SLFN11: variants seen among roughly 807,000 people sequenced by gnomAD.
The protein encoded by SLFN11 is schlafen family member 11.
Under a neutral mutation model 53.4 loss-of-function variants are expected in SLFN11, and 43 were observed. That is an observed-to-expected ratio of 0.80 (90% CI 0.63 to 1.04). SLFN11 has a LOEUF of 1.04. SLFN11 is among the 50% of genes least tolerant of loss of function. SLFN11 has a pLI of 0.00. For missense variants in SLFN11, 990 were observed against 1,079.1 expected, an observed-to-expected ratio of 0.92 and a Z score of 1.16; for synonymous variants, 389 against 394.7, an observed-to-expected ratio of 0.99 and a Z score of 0.17.
At position 35,353,799 on chromosome 17, in the gene SLFN11, A is replaced by G; in HGVS notation, c.1459T>C (p.Cys487Arg). Residue 487 changes from cysteine (C) to arginine (R), a missense_variant, in exon 6 of 7, where the codon TGC (cysteine) becomes CGC (arginine). Cys to Arg is a radical substitution (Grantham distance 180). This residue lies in a region of SLFN11 where 156 missense variants were observed against 241.9 expected (regional missense o/e 0.64). Coordinates refer to ENST00000685675, the MANE Select transcript of SLFN11 (RefSeq NM_001376007.1). The part of the protein sequence containing the change: ...REQDAEGQDY[C>R]TRTAFTLKQK... Reference sequence around the variant, plus strand: ...TTCAAAGTAAAGGCGGTGCGAGTGCAGTAGTCCTGGCCCTCTGCATCTTGC... The same window carrying G: ...TTCAAAGTAAAGGCGGTGCGAGTGCGGTAGTCCTGGCCCTCTGCATCTTGC... 1.3e-6 allele frequency: 2 copies of G among 1,581,550 alleles called. No individual in the cohort carries two copies. The highest frequency in any genetic ancestry group is 1.7e-6 in the Non-Finnish European group (2 of 1,160,862).
chr17:35,368,985 C>T (rs1216686325), intron 1 of SLFN11, among the ~76,000 whole-genome samples: 1 of 151,844 alleles, frequency 6.6e-6, no homozygotes, highest in Non-Finnish European at 1.5e-5. Context: ...CCTGAATAAT[C>T]AGCAACGATA....
intron 3 of SLFN11, among the ~76,000 whole-genome samples, chr17:35,365,461 A>AT (rs1908845018): frequency 3.3e-5 from 5 of 150,806 alleles, no homozygotes; most frequent in African/African-American, 7.3e-5. Flanking sequence ...ATTCTTTAAA[A>AT]ATTTTTTTTT....
intron 3 of SLFN11, among the ~76,000 whole-genome samples, chr17:35,366,461 T>TA (rs1200940757): frequency 6.6e-6 from 1 of 152,146 alleles, no homozygotes; most frequent in East Asian, 1.9e-4. Context: ...TTATTTTTTT[T>TA]AAATAAAAAT....
intron 4 of SLFN11, among the ~76,000 whole-genome samples, chr17:35,360,798 A>G (rs577134243): frequency 9.2e-5 from 14 of 152,140 alleles, no homozygotes; most frequent in African/African-American, 3.1e-4. Context: ...AATTACCATT[A>G]CTCACACTTA....
chr17:35,363,365 G>A lies in SLFN11; in HGVS notation c.443C>T (p.Ala148Val), dbSNP rs754490295. Residue 148 changes from alanine (A) to valine (V), a missense_variant, in exon 4 of 7, where the codon GCA (alanine) becomes GTA (valine). Around this residue, in one of 3 missense-constraint regions of SLFN11, gnomAD observed 521 missense variants for 516.2 expected, o/e 1.01. Coordinates refer to ENST00000685675, the MANE Select transcript of SLFN11 (RefSeq NM_001376007.1). ...CCTTTTGGTCTTCAGGAAACAGAAT[G>A]CCTCTCTTGAGTCCATGGAACGCAC... ...TSVRSMDSRE[A>V]FCFLKTKRKP... 25 of 1,613,884 alleles carry A rather than the reference G, an allele frequency of 1.5e-5. No individual in the cohort carries two copies. The South Asian group carries it at 2.0e-4, about 13-fold the overall frequency.
At chr17:35,356,433 C>T (rs1907479509) in intron 5 of SLFN11, among the ~76,000 whole-genome samples, 1 of 152,030 alleles carries the variant, frequency 6.6e-6, no homozygotes, top group Non-Finnish European at 1.5e-5. Context: ...TAATTTCCTG[C>T]CTTCCCAATC....
At chr17:35,365,684 T>C (rs1908875402) in intron 3 of SLFN11, among the ~76,000 whole-genome samples, 1 of 151,972 alleles carries the variant, frequency 6.6e-6, no homozygotes, top group Non-Finnish European at 1.5e-5. Flanking sequence ...AACAAACAAC[T>C]TACAATGGAA....
At chr17:35,371,230 C>T (rs766248592) in intron 1 of SLFN11, among the ~76,000 whole-genome samples, 2 of 152,090 alleles carry the variant, frequency 1.3e-5, no homozygotes, top group Non-Finnish European at 2.9e-5. Context: ...AAAAGACATT[C>T]TCTTCAATAA....
At chr17:35,362,637 G>T in intron 4 of SLFN11, 102 bp downstream of exon 4, 1 of 861,662 alleles carries the variant, frequency 1.2e-6, no homozygotes, top group Non-Finnish European at 1.7e-6. Flanking sequence ...AGTGTTCAGT[G>T]GATGTAAGAT....
chr17:35,356,007 T>G (rs1907422282), intron 5 of SLFN11, among the ~76,000 whole-genome samples: 1 of 152,054 alleles, frequency 6.6e-6, no homozygotes, highest in Admixed American at 6.5e-5. Context: ...CCATAAGAAA[T>G]CAATCAGGTG....
intron 1 of SLFN11, among the ~76,000 whole-genome samples, chr17:35,373,046 C>A (rs1253304007): frequency 6.6e-6 from 1 of 152,080 alleles, no homozygotes; most frequent in Non-Finnish European, 1.5e-5. Flanking sequence ...ACATAGACAG[C>A]TGTAGAACTA....
In SLFN11 at chr17:35,350,778, G is replaced by A. The variant is rs887197638; in HGVS notation, c.*1578C>T. ...TCCATGAATAAACACAGAAAGACAG[G>A]AGAAAGGCAAGGAAGTTCAAAAATC... On this transcript the variant is annotated 3_prime_UTR_variant, in exon 7 of 7. Transcript: ENST00000685675. The A allele has an allele frequency of 3.3e-5, 5 of 152,174 alleles. No homozygotes were observed. Among genetic ancestry groups the A allele is most frequent in the African/African-American group, 1.2e-4 (5 of 41,424 alleles). The allele number at this position is 152,174 out of a possible 1,614,324, so 9.4% of individuals were successfully genotyped here.
intron 6 of SLFN11, 41 bp from the exon 7 acceptor site, chr17:35,353,180 A>G (rs1366121176): frequency 6.3e-7 from 1 of 1,596,070 alleles, no homozygotes; most frequent in Non-Finnish European, 8.5e-7. Flanking sequence ...TTCTCTAAAA[A>G]AACAAGGGGA....
chr17:35,352,387 T>A lies in SLFN11; in HGVS notation c.2675A>T (p.His892Leu). 1 of 1,614,160 alleles carries A rather than the reference T, an allele frequency of 6.2e-7. No homozygotes were observed. Among genetic ancestry groups the A allele is most frequent in the Non-Finnish European group, 8.5e-7 (1 of 1,180,018 alleles). The change falls in exon 7 of 7, where the codon CAC (histidine) becomes CTC (leucine). Residue 892 changes from histidine to leucine, a missense_variant. This residue lies in a region of SLFN11 where 313 missense variants were observed against 320.9 expected (regional missense o/e 0.98). Coordinates refer to ENST00000685675, the MANE Select transcript of SLFN11 (RefSeq NM_001376007.1). The part of the protein sequence containing the change: ...LICLASRAKQ[H>L]LYIFPWGGH ...GCCACCCCACGGAAAAATATACAGG[T>A]GTTGTTTTGCCCTGGAAGCCAGACA...
chr17:35,366,263 A>G (rs757923643), intron 3 of SLFN11, among the ~76,000 whole-genome samples: 2 of 152,138 alleles, frequency 1.3e-5, no homozygotes, highest in Non-Finnish European at 2.9e-5. Context: ...ATAGGTCTCA[A>G]TAAGGGAAAT....
chr17:35,363,861 T>G, intron 3 of SLFN11, 35 bp from the exon 4 acceptor site: 1 of 1,451,600 alleles, frequency 6.9e-7, no homozygotes, highest in Non-Finnish European at 9.3e-7. Context: ...ATGCATGCAA[T>G]TCATTTATTA....
intron 1 of SLFN11, among the ~76,000 whole-genome samples, 181 bp downstream of exon 1, chr17:35,373,293 C>T (rs1674272846): frequency 1.4e-5 from 2 of 148,140 alleles, no homozygotes; most frequent in African/African-American, 5.0e-5. Context: ...CCCGCCAGTC[C>T]TCCATAGTCC....
chr17:35,362,681 T>G, intron 4 of SLFN11, 58 bp downstream of exon 4: 1 of 1,382,014 alleles, frequency 7.2e-7, no homozygotes, highest in Non-Finnish European at 9.7e-7. Flanking sequence ...GAAAATTTAA[T>G]ATGGGAGGTC....
At chr17:35,364,428 G>A (rs1908684962) in intron 3 of SLFN11, among the ~76,000 whole-genome samples, 1 of 152,238 alleles carries the variant, frequency 6.6e-6, no homozygotes, top group East Asian at 1.9e-4. Flanking sequence ...CTGCAAAGGT[G>A]GGGTGTGACA....
Sources: gnomAD v4.1 joint callset for allele counts (sites outside exome capture counted in the v4.1 genomes callset) on GRCh38, gnomAD v4.1.1 for gene constraint, gnomAD v4.1.1 regional missense constraint, MANE v1.5 for transcripts, NCBI Gene and HGNC (gene_info 2026-07-23, HGNC 2026-07-21) for gene names.